FBN1: variants seen among roughly 807,000 people sequenced by gnomAD.
FBN1 encodes the protein fibrillin 1, also known as fibrillin-1.
In FBN1, 29 loss-of-function variants were observed where a neutral mutation model predicts 365.1. That is an observed-to-expected ratio of 0.08 (90% CI 0.06 to 0.11). FBN1 has a LOEUF of 0.11. Ranked by LOEUF, FBN1 falls within the 10% of genes least tolerant of loss-of-function variation. The pLI is 1.00. For synonymous variants in FBN1, 1,210 were observed against 1,270.5 expected, an observed-to-expected ratio of 0.95 and a Z score of 1.01; for missense variants, 2,476 against 3,703.2, an observed-to-expected ratio of 0.67 and a Z score of 8.60.
At chr15:48,552,408 G>C (rs1883558568) in intron 6 of FBN1, among the ~76,000 whole-genome samples, 1 of 151,682 alleles carries the variant, frequency 6.6e-6, no homozygotes, top group Non-Finnish European at 1.5e-5. Flanking sequence ...AAATAGCTGA[G>C]ACTACAGGCA....
rs376886165 is a variant in FBN1 at position 48,474,268 on chromosome 15, G to A, written c.4197C>T (p.Gly1399=). ...CLCKEGYTGD[G]FTCTDLDECS... is the part of the protein sequence containing the mutation. ...GCGTGAACATACCTGTACAAGTGAA[G>A]CCATCACCTGTGTATCCTTCCTTGC... Residue 1399 remains glycine (G), a synonymous_variant, in exon 34 of 66, where the codon GGC becomes GGT. Coordinates refer to ENST00000316623, the MANE Select transcript of FBN1 (RefSeq NM_000138.5). 6 of 1,613,950 alleles carry A rather than the reference G, an allele frequency of 3.7e-6. No individual in the cohort carries two copies. The African/African-American group carries it at 6.7e-5, about 18-fold the overall frequency.
At chr15:48,545,441 G>C (rs967453214) in intron 6 of FBN1, among the ~76,000 whole-genome samples, 1 of 152,052 alleles carries the variant, frequency 6.6e-6, no homozygotes. Context: ...GGCATATGTT[G>C]GTAAAGAGGC....
At chr15:48,642,515 ATG>A (rs948957403) in intron 2 of FBN1, 3 of 151,556 alleles carry the variant, frequency 2.0e-5, no homozygotes, top group African/African-American at 7.3e-5. Context: ...ACACACACAC[ATG>A]TGTATGTATA....
chr15:48,426,208 C>G (rs1161228570), intron 58 of FBN1, among the ~76,000 whole-genome samples: 1 of 152,160 alleles, frequency 6.6e-6, no homozygotes, highest in African/African-American at 2.4e-5. Flanking sequence ...ATTAAGCTTG[C>G]CTCCTGCTGA....
At chr15:48,594,218 G>A (rs1477201457) in intron 6 of FBN1, among the ~76,000 whole-genome samples, 1 of 152,148 alleles carries the variant, frequency 6.6e-6, no homozygotes, top group African/African-American at 2.4e-5. Context: ...TCTCCCATGT[G>A]GTGTGGGAAA....
chr15:48,453,083 C>T (rs1273632085), intron 44 of FBN1, among the ~76,000 whole-genome samples: 1 of 151,828 alleles, frequency 6.6e-6, no homozygotes, highest in East Asian at 1.9e-4. Flanking sequence ...ATGGTGAAAC[C>T]CCGTCTCTAC....
chr15:48,494,690 A>G (rs906699576), intron 22 of FBN1, among the ~76,000 whole-genome samples: 1 of 152,240 alleles, frequency 6.6e-6, no homozygotes, highest in Admixed American at 6.5e-5. Flanking sequence ...TAAACATTAA[A>G]TCAGCAAAAC....
At chr15:48,472,742 T>G (rs2043388011) in intron 34 of FBN1, 66 bp from the exon 35 acceptor site, 7 of 1,611,350 alleles carry the variant, frequency 4.3e-6, no homozygotes, top group Non-Finnish European at 5.1e-6. Context: ...CTCAGGTCTA[T>G]CAACTTTCCA....
intron 2 of FBN1, among the ~76,000 whole-genome samples, chr15:48,639,029 T>G (rs1890151353): frequency 1.3e-5 from 2 of 152,250 alleles, no homozygotes; most frequent in Admixed American, 1.3e-4. Flanking sequence ...GAAAGTTTCT[T>G]GTTGGACTAA....
At chr15:48,525,369 G>A (rs762699525) in intron 9 of FBN1, among the ~76,000 whole-genome samples, 6 of 152,212 alleles carry the variant, frequency 3.9e-5, no homozygotes, top group African/African-American at 7.2e-5. Context: ...GGGATTAGAG[G>A]TGTGAGCTAC....
chr15:48,456,024 GT>G (rs1326578156), intron 44 of FBN1, among the ~76,000 whole-genome samples: 1 of 152,124 alleles, frequency 6.6e-6, no homozygotes, highest in Non-Finnish European at 1.5e-5. Flanking sequence ...TTACTAAAAT[GT>G]AAGAGAACTA....
rs25389 is a variant in FBN1, at chr15:48,537,747, G to A, written c.600C>T (p.Ser200=). 6.2e-6 allele frequency: 10 copies of A among 1,614,202 alleles called. No individual in the cohort carries two copies. Among genetic ancestry groups the A allele is most frequent in the Non-Finnish European group, 8.5e-6 (10 of 1,180,032 alleles). ...AGAGCGTTTTTGTGCAGACAATCCC[G>A]CTGAGTTGTCCCTGGCACATCTGGT... ...ISNQMCQGQL[S]GIVCTKTLCC... is the part of the protein sequence containing the mutation. The change falls in exon 7 of 66, where the codon AGC becomes AGT. Residue 200 remains serine, a synonymous_variant. Coordinates refer to ENST00000316623, the MANE Select transcript of FBN1 (RefSeq NM_000138.5).
At position 48,452,595 on chromosome 15, in the gene FBN1, C is replaced by T. The variant is rs397515823; in HGVS notation, c.5512G>A (p.Gly1838Ser). ...TGTCCTGTGGAGGTGAAGCGGTAGC[C>T]GGGCTTACAGTCACAGCGGTAGCTG... ...AGSYRCDCKP[G>S]YRFTSTGQCN... Residue 1838 changes from glycine (G) to serine (S), a missense_variant, in exon 45 of 66, where the codon GGC becomes AGC. Transcript: ENST00000316623. The T allele has an allele frequency of 2.5e-6, 4 of 1,613,992 alleles. No individual in the cohort carries two copies. Among genetic ancestry groups the T allele is most frequent in the South Asian group, 1.1e-5 (1 of 91,076 alleles).
chr15:48,466,905 A>G (rs954537619), intron 38 of FBN1, among the ~76,000 whole-genome samples: 6 of 152,008 alleles, frequency 3.9e-5, no homozygotes, highest in African/African-American at 1.5e-4. Context: ...AAACACACTA[A>G]GTCCCCACCC....
intron 6 of FBN1, among the ~76,000 whole-genome samples, chr15:48,565,206 G>A (rs747752827): frequency 4.6e-5 from 7 of 152,120 alleles, no homozygotes; most frequent in Non-Finnish European, 1.0e-4. Flanking sequence ...TGTATAGTAA[G>A]TGCATCATAC....
chr15:48,481,585 A>G, intron 32 of FBN1, 70 bp downstream of exon 32: 1 of 1,485,020 alleles, frequency 6.7e-7, no homozygotes, highest in Non-Finnish European at 9.3e-7. Context: ...TAAAACATGT[A>G]TCAATCTATA....
chr15:48,477,184 T>C (rs890755130), intron 32 of FBN1, among the ~76,000 whole-genome samples: 1 of 152,196 alleles, frequency 6.6e-6, no homozygotes, highest in Non-Finnish European at 1.5e-5. Context: ...ATGTTTAATC[T>C]TGCAATTAAG....
intron 56 of FBN1, among the ~76,000 whole-genome samples, chr15:48,429,118 T>C (rs1298061930): frequency 3.3e-5 from 5 of 152,220 alleles, no homozygotes; most frequent in African/African-American, 1.2e-4. Flanking sequence ...CATTTTTCAC[T>C]TAGTAAAATT....
chr15:48,560,628 G>T (rs1047491005), intron 6 of FBN1, among the ~76,000 whole-genome samples: 1 of 152,120 alleles, frequency 6.6e-6, no homozygotes, highest in African/African-American at 2.4e-5. Flanking sequence ...GTATTCCTCG[G>T]TTGTCTTCGT....
Sources: gnomAD v4.1 joint callset for allele counts (sites outside exome capture counted in the v4.1 genomes callset) on GRCh38, gnomAD v4.1.1 for gene constraint, MANE v1.5 for transcripts, NCBI Gene and HGNC (gene_info 2026-07-23, HGNC 2026-07-21) for gene names.